Variants in RUFY2 observed in about 807,000 individuals in gnomAD.
RUFY2 encodes the protein RUN and FYVE domain containing 2.
In RUFY2, 49 loss-of-function variants were observed where a neutral mutation model predicts 94.4. The ratio of observed to expected loss-of-function variants is 0.52; its 90% CI spans 0.41 to 0.66. The LOEUF (loss-of-function observed/expected upper bound fraction) is 0.66. Among genes scored for constraint, RUFY2 ranks in the 30% least tolerant of loss-of-function variants. The pLI is 0.00. For missense variants in RUFY2, 541 were observed against 692.8 expected, an observed-to-expected ratio of 0.78 and a Z score of 2.46; for synonymous variants, 255 against 235.7, an observed-to-expected ratio of 1.08 and a Z score of -0.75.
In RUFY2 at chr10:68,367,746, C is replaced by G. The variant is rs1170866655; in HGVS notation, c.1326-3633G>C. 3.1e-5 allele frequency among the ~76,000 whole-genome samples: 4 copies of G among 129,074 alleles called. No homozygotes were observed. In the East Asian group the frequency reaches 8.2e-4, roughly 26 times the overall value. 84.7% of individuals were successfully genotyped at this position (129,074 alleles called of 152,430 possible). ...CCTCCCTCCCTCCCTCCCTCTCTCT[C>G]TCTCTCTCTTTCCTTCCTTTCTTTC... On this transcript the variant is annotated intron_variant, in intron 13 of 17. Coordinates refer to ENST00000602465, the MANE Select transcript of RUFY2 (RefSeq NM_001330103.2).
intron 12 of RUFY2, chr10:68,378,686 G>C: frequency 6.3e-7 from 1 of 1,589,068 alleles, no homozygotes. Flanking sequence ...TAATGGAATG[G>C]AAAGAAATCA....
chr10:68,397,301 T>A (rs2050461052), intron 3 of RUFY2, among the ~76,000 whole-genome samples: 2 of 152,352 alleles, frequency 1.3e-5, no homozygotes, highest in South Asian at 4.1e-4. Context: ...TATTAACCAA[T>A]TGTTAACTAT....
At chr10:68,347,660 T>C (rs1050851204) in intron 16 of RUFY2, among the ~76,000 whole-genome samples, 1 of 152,154 alleles carries the variant, frequency 6.6e-6, no homozygotes, top group African/African-American at 2.4e-5. Context: ...AAGGCAACTT[T>C]GTTAGATGAT....
chr10:68,388,233 G>A (rs1358866185), intron 7 of RUFY2, among the ~76,000 whole-genome samples: 1 of 152,110 alleles, frequency 6.6e-6, no homozygotes, highest in Non-Finnish European at 1.5e-5. Flanking sequence ...GGGAGGCCGA[G>A]GTTGGTGGAT....
At chr10:68,396,321 T>C (rs1220040385) in intron 4 of RUFY2, among the ~76,000 whole-genome samples, 2 of 151,830 alleles carry the variant, frequency 1.3e-5, no homozygotes, top group Non-Finnish European at 2.9e-5. Context: ...ATTTAAACTG[T>C]GCCCACAATA....
At chr10:68,380,055 G>T (rs987559785) in intron 11 of RUFY2, among the ~76,000 whole-genome samples, 1 of 151,486 alleles carries the variant, frequency 6.6e-6, no homozygotes, top group African/African-American at 2.4e-5. Context: ...TGATCTGCCC[G>T]CCTTGGCCTC....
chr10:68,342,527 G>A (rs554785657), downstream of RUFY2: 1 of 152,804 alleles, frequency 6.5e-6, no homozygotes, highest in Non-Finnish European at 1.5e-5. Context: ...AGATGAAGTG[G>A]CTTCAGGAGT....
At chr10:68,368,112 C>A (rs2047993418) in intron 13 of RUFY2, among the ~76,000 whole-genome samples, 1 of 151,504 alleles carries the variant, frequency 6.6e-6, no homozygotes, top group South Asian at 2.1e-4. Flanking sequence ...ATTACAGGCG[C>A]CTGCCACCAT....
chr10:68,351,225 G>C (rs1179219720), intron 16 of RUFY2, among the ~76,000 whole-genome samples: 1 of 139,414 alleles, frequency 7.2e-6, no homozygotes, highest in South Asian at 2.3e-4. Context: ...TCCACCTTCC[G>C]GGCTCAAGCA....
intron 14 of RUFY2, 117 bp from the exon 15 acceptor site, chr10:68,363,801 T>C: frequency 1.3e-5 from 11 of 850,710 alleles, no homozygotes; most frequent in Non-Finnish European, 1.8e-5. Context: ...AAGAAACAAA[T>C]TGTGTCCAAA....
chr10:68,376,489 T>TATATATATAC (rs58358117), intron 13 of RUFY2, among the ~76,000 whole-genome samples: 1 of 51,816 alleles, frequency 1.9e-5, no homozygotes, highest in Non-Finnish European at 4.0e-5. Flanking sequence ...TATATATATA[T>TATATATATAC]ATTCTCAGAA....
Position 68,345,387 on chromosome 10 carries a change from C to G in RUFY2, c.*381G>C, listed in dbSNP as rs2046212076. On this transcript the variant is annotated 3_prime_UTR_variant, in exon 18 of 18. Transcript: ENST00000602465. ...TAAAAGTTTTATGCGTTTCCAGTTT[C>G]AGAACTGTGAAGCTTTAAAGTGCAT... The G allele has an allele frequency of 5.1e-6, 2 of 392,820 alleles. No homozygotes were observed. Among genetic ancestry groups the G allele is most frequent in the Non-Finnish European group, 9.0e-6 (2 of 222,954 alleles). 24.3% of individuals were successfully genotyped at this position (392,820 alleles called of 1,614,324 possible). A position where few individuals can be genotyped will look rare whatever the true frequency, so the allele number is the denominator to read the frequency against.
intron 16 of RUFY2, chr10:68,346,388 C>CA (rs1423566307): frequency 3.8e-6 from 1 of 264,786 alleles, no homozygotes; most frequent in African/African-American, 2.3e-5. Flanking sequence ...GCCTGGAGTT[C>CA]AAGACCAAGC....
intron 16 of RUFY2, among the ~76,000 whole-genome samples, chr10:68,351,612 G>A (rs553410734): frequency 2.7e-5 from 4 of 150,888 alleles, no homozygotes; most frequent in Admixed American, 2.0e-4. Context: ...ACCACACTCA[G>A]CTAATTTTTG....
intron 13 of RUFY2, 86 bp from the exon 14 acceptor site, chr10:68,364,199 G>A: frequency 3.0e-6 from 4 of 1,335,116 alleles, no homozygotes; most frequent in East Asian, 2.5e-5. Context: ...CACCCTTTTG[G>A]TTTATTACTT....
chr10:68,360,079 G>A (rs1378622005), intron 15 of RUFY2, among the ~76,000 whole-genome samples: 1 of 152,028 alleles, frequency 6.6e-6, no homozygotes, highest in Non-Finnish European at 1.5e-5. Context: ...GCCCGCCTCA[G>A]CTTCCAAAGT....
intron 3 of RUFY2, among the ~76,000 whole-genome samples, chr10:68,398,126 CAAAAA>C (rs377600173): frequency 3.1e-5 from 2 of 65,048 alleles, no homozygotes; most frequent in African/African-American, 9.1e-5. Context: ...GATTTGTTCT[CAAAAA>C]AAAAAAAAAA....
At chr10:68,381,908 C>A (rs761039027) in intron 10 of RUFY2, among the ~76,000 whole-genome samples, 1 of 149,382 alleles carries the variant, frequency 6.7e-6, no homozygotes, top group Non-Finnish European at 1.5e-5. Context: ...TTTCTATATT[C>A]TGTTAATCAT....
At chr10:68,377,105 C>A in intron 12 of RUFY2, 133 bp from the exon 13 acceptor site, 1 of 1,508,914 alleles carries the variant, frequency 6.6e-7, no homozygotes, top group South Asian at 1.3e-5. Flanking sequence ...GGGGAAAACT[C>A]ACAAACTCAA....
Sources: allele counts gnomAD v4.1 joint callset (sites outside exome capture counted in the v4.1 genomes callset), GRCh38; gene constraint gnomAD v4.1.1; transcripts MANE v1.5; gene names NCBI Gene and HGNC (gene_info 2026-07-23, HGNC 2026-07-21).